Variants in TOP1 observed in about 807,000 individuals in gnomAD.
TOP1 encodes the protein DNA topoisomerase 1.
In TOP1, 10 loss-of-function variants were observed where a neutral mutation model predicts 111.1. The observed-to-expected ratio is 0.09, with a 90% CI of 0.06 to 0.15. The LOEUF is 0.15. Ranked by LOEUF, TOP1 falls within the 10% of genes least tolerant of loss-of-function variation. The probability of loss-of-function intolerance (pLI) is 1.00; values close to 1 mark genes in which losing one functional copy is unlikely to be tolerated. For synonymous variants in TOP1, 271 were observed against 302.9 expected (o/e 0.89, Z 1.10); for missense variants, 474 against 926.7 (o/e 0.51, Z 6.34).
chr20:41,076,472 A>G (rs781615885), intron 4 of TOP1, among the ~76,000 whole-genome samples, 178 bp downstream of exon 4: 1 of 152,168 alleles, frequency 6.6e-6, no homozygotes, highest in African/African-American at 2.4e-5. Context: ...TTACCACCAT[A>G]TGTTTCACAG....
intron 4 of TOP1, among the ~76,000 whole-genome samples, chr20:41,076,983 T>C (rs2033735292): frequency 6.6e-6 from 1 of 152,184 alleles, no homozygotes; most frequent in South Asian, 2.1e-4. Context: ...TTTTGAAAGA[T>C]AAATTTTCTG....
intron 2 of TOP1, among the ~76,000 whole-genome samples, chr20:41,037,449 C>T (rs1416232150): frequency 6.6e-6 from 1 of 152,150 alleles, no homozygotes; most frequent in African/African-American, 2.4e-5. Flanking sequence ...CTCAAAGCAC[C>T]TGAGAATTAC....
intron 2 of TOP1, among the ~76,000 whole-genome samples, chr20:41,044,840 G>C (rs992245040): frequency 1.3e-5 from 2 of 152,228 alleles, no homozygotes; most frequent in South Asian, 2.1e-4. Context: ...ATTCAGGCTG[G>C]AGTGCAGTGG....
chr20:41,054,916 C>T (rs748458096), intron 2 of TOP1, among the ~76,000 whole-genome samples: 8 of 152,172 alleles, frequency 5.3e-5, no homozygotes, highest in Non-Finnish European at 1.2e-4. Context: ...AAGACAGAGA[C>T]ACTTTCCTTT....
In TOP1 at chr20:41,109,265, A is replaced by AAT. The variant is rs1049951347; in HGVS notation, c.1309-3506_1309-3505dup. On this transcript the variant is annotated intron_variant, in intron 13 of 20. Coordinates refer to ENST00000361337, the MANE Select transcript of TOP1 (RefSeq NM_003286.4). This position sits in a 1 kb window ranked among gnomAD's most constrained non-coding sequence, Gnocchi z 4.1. The stretch of plus-strand genomic sequence containing the variant: ...GAAAATAAGACACAAGCTCATTAAA[A>AAT]ATATATATATATTCTGAGCCTGGCA... 2.6e-5 allele frequency among the ~76,000 whole-genome samples: 4 copies of AAT among 152,076 alleles called. No homozygotes were observed. Among genetic ancestry groups the AAT allele is most frequent in the Non-Finnish European group, 4.4e-5 (3 of 67,988 alleles).
At chr20:41,040,070 A>G (rs2033241937) in intron 2 of TOP1, among the ~76,000 whole-genome samples, 1 of 152,264 alleles carries the variant, frequency 6.6e-6, no homozygotes, top group Non-Finnish European at 1.5e-5. Flanking sequence ...AGTATTTAAA[A>G]TCACCATCTT....
At chr20:41,077,716 A>G in intron 5 of TOP1, 79 bp downstream of exon 5, 1 of 1,387,682 alleles carries the variant, frequency 7.2e-7, no homozygotes, top group South Asian at 1.2e-5. Flanking sequence ...GTGTTGTCTG[A>G]GTTAACCCAA....
rs975490785 is a variant in TOP1, at chr20:41,098,753, C to G, written c.975+416C>G. ...ATGCTCATCCATCTCCATCTTCCAG[C>G]CTTGGCCATCCTCATTACTGAAGGA... On this transcript the variant is annotated intron_variant, in intron 11 of 20. Transcript: ENST00000361337. This position sits in a 1 kb window ranked among gnomAD's most constrained non-coding sequence, Gnocchi z 5.7. 1.3e-5 allele frequency: 2 copies of G among 152,750 alleles called. No homozygotes were observed. Among genetic ancestry groups the G allele is most frequent in the Non-Finnish European group, 2.9e-5 (2 of 68,564 alleles). The allele number at this position is 152,750 out of a possible 1,614,324, so 9.5% of individuals were successfully genotyped here.
chr20:41,054,449 T>TA (rs1173955347), intron 2 of TOP1, among the ~76,000 whole-genome samples: 1 of 152,232 alleles, frequency 6.6e-6, no homozygotes, highest in Non-Finnish European at 1.5e-5. Context: ...AACCTCTTTA[T>TA]AAATTACCCA....
At chr20:41,108,883 T>C (rs1274508956) in intron 13 of TOP1, among the ~76,000 whole-genome samples, 1 of 152,222 alleles carries the variant, frequency 6.6e-6, no homozygotes. Context: ...TTGGAAGCAT[T>C]ACCTGCTCTC....
intron 13 of TOP1, among the ~76,000 whole-genome samples, chr20:41,104,151 T>A (rs1487652053): frequency 6.6e-6 from 1 of 152,178 alleles, no homozygotes; most frequent in Non-Finnish European, 1.5e-5. Flanking sequence ...CTAAGAAGAT[T>A]GAAGAGTTAC....
rs1312540687 is a variant in TOP1, at chr20:41,034,634, A to C, written c.58+5179A>C. ...GTTTGCTGAAATGATTTAATAGTAA[A>C]TAGATATTGTTGAACATTTTCTGTG... On this transcript the variant is annotated intron_variant, in intron 2 of 20. Coordinates refer to ENST00000361337, the MANE Select transcript of TOP1 (RefSeq NM_003286.4). This position sits in a 1 kb window ranked among gnomAD's most constrained non-coding sequence, Gnocchi z 4.0. 6.6e-6 allele frequency among the ~76,000 whole-genome samples: 1 copy of C among 152,198 alleles called. No homozygotes were observed. Among genetic ancestry groups the C allele is most frequent in the East Asian group, 1.9e-4 (1 of 5,202 alleles).
Position 41,106,210 on chromosome 20 carries a change from CTG to C in TOP1, c.1308+4859_1308+4860del, listed in dbSNP as rs1314327751. ...ACATATATGTCAGACTGTTTCTGGGCTGTCTGTCCTCTTTAATTAGTTCGTGT... is the reference window on the plus strand; with the variant it reads ...ACATATATGTCAGACTGTTTCTGGGCTCTGTCCTCTTTAATTAGTTCGTGT... On this transcript the variant is annotated intron_variant, in intron 13 of 20. Coordinates refer to ENST00000361337, the MANE Select transcript of TOP1 (RefSeq NM_003286.4). The surrounding 1 kb of genome is among the most constrained non-coding windows in gnomAD (Gnocchi z 4.3). 6.6e-6 allele frequency among the ~76,000 whole-genome samples: 1 copy of C among 152,168 alleles called. No individual in the cohort carries two copies. Among genetic ancestry groups the C allele is most frequent in the Non-Finnish European group, 1.5e-5 (1 of 68,036 alleles).
Position 41,094,845 on chromosome 20 carries a change from AG to A in TOP1, c.730+2259del, listed in dbSNP as rs202184812. Among the ~76,000 whole-genome samples, 2,652 of 152,150 alleles carry A rather than the reference AG, an allele frequency of 0.017. 45 individuals carry two copies. The highest frequency in any genetic ancestry group is 0.095 in the Middle Eastern group (28 of 294). On this transcript the variant is annotated intron_variant, in intron 9 of 20. Transcript: ENST00000361337. The surrounding 1 kb of genome is among the most constrained non-coding windows in gnomAD (Gnocchi z 4.4). ...CTTCAGTTTACAGCTTTGATTCAGC[AG>A]TTTCCTTTTCCTGGAGCTCAGCCTT...
At chr20:41,107,559 A>G (rs1050926068) in intron 13 of TOP1, among the ~76,000 whole-genome samples, 1 of 152,134 alleles carries the variant, frequency 6.6e-6, no homozygotes, top group Non-Finnish European at 1.5e-5. Context: ...CTAATTTTAT[A>G]TCTGATTTTG....
chr20:41,077,656 G>C lies in TOP1; in HGVS notation c.335+19G>C. On this transcript the variant is annotated intron_variant, in intron 5 of 20. Coordinates refer to ENST00000361337, the MANE Select transcript of TOP1 (RefSeq NM_003286.4). ...TCTCTAGGTAAGACTTTGCTGCTGCGTGGGCTTCCCTTTCTCTGGGTGGAC... is the reference window on the plus strand; with the variant it reads ...TCTCTAGGTAAGACTTTGCTGCTGCCTGGGCTTCCCTTTCTCTGGGTGGAC... 1 of 1,612,274 alleles carries C rather than the reference G, an allele frequency of 6.2e-7. No homozygotes were observed. Among genetic ancestry groups the C allele is most frequent in the African/African-American group, 1.3e-5 (1 of 74,996 alleles).
chr20:41,029,273 A>G lies in TOP1; in HGVS notation c.34-158A>G, dbSNP rs901402287. Among the ~76,000 whole-genome samples, 1 of 151,794 alleles carries G rather than the reference A, an allele frequency of 6.6e-6. No homozygotes were observed. Among genetic ancestry groups the G allele is most frequent in the Non-Finnish European group, 1.5e-5 (1 of 67,906 alleles). On this transcript the variant is annotated intron_variant, in intron 1 of 20. Coordinates refer to ENST00000361337, the MANE Select transcript of TOP1 (RefSeq NM_003286.4). This position sits in a 1 kb window ranked among gnomAD's most constrained non-coding sequence, Gnocchi z 6.1. ...GCTAGGCCGCGAGCGAGGGCCGCGA[A>G]GTTACAGTTCGAGGCAGGGATGGCT...
chr20:41,089,783 C>T (rs1410537166), intron 8 of TOP1, among the ~76,000 whole-genome samples: 1 of 152,196 alleles, frequency 6.6e-6, no homozygotes, highest in Non-Finnish European at 1.5e-5. Flanking sequence ...GCTAGCTTCC[C>T]TACACCTTCA....
rs775078591 is a variant in TOP1 at position 41,102,408 on chromosome 20, G to A, written c.1308+1055G>A. Among the ~76,000 whole-genome samples the A allele has an allele frequency of 5.9e-5, 9 of 152,150 alleles. No individual in the cohort carries two copies. Among genetic ancestry groups the A allele is most frequent in the African/African-American group, 7.2e-5 (3 of 41,438 alleles). ...GCGGATCACCTGAGGTCAGGAGTTC[G>A]AGACCAGCCTGGACAACATGGCGAA... On this transcript the variant is annotated intron_variant, in intron 13 of 20. Coordinates refer to ENST00000361337, the MANE Select transcript of TOP1 (RefSeq NM_003286.4). The surrounding 1 kb of genome is among the most constrained non-coding windows in gnomAD (Gnocchi z 4.0).
Sources: gnomAD v4.1 joint callset for allele counts (sites outside exome capture counted in the v4.1 genomes callset) on GRCh38, gnomAD v4.1.1 for gene constraint, Gnocchi (gnomAD v3.1) non-coding constraint, MANE v1.5 for transcripts, NCBI Gene and HGNC (gene_info 2026-07-23, HGNC 2026-07-21) for gene names.